Variants in BCKDHB observed in about 807,000 individuals in gnomAD.
BCKDHB encodes branched chain keto acid dehydrogenase E1 subunit beta.
In BCKDHB, 41 loss-of-function variants were observed where a neutral mutation model predicts 48.5. The observed-to-expected ratio is 0.85, with a 90% CI of 0.66 to 1.10. The LOEUF is 1.10. Ranked by LOEUF, BCKDHB falls within the 50% of genes least tolerant of loss-of-function variation. The probability of loss-of-function intolerance (pLI) is 0.00; values close to 1 mark genes in which losing one functional copy is unlikely to be tolerated. For missense variants in BCKDHB, 496 were observed against 494.2 expected, an observed-to-expected ratio of 1.00 and a Z score of -0.03; for synonymous variants, 201 against 174.8, an observed-to-expected ratio of 1.15 and a Z score of -1.18.
chr6:80,342,081 G>C (rs1317751576), intron 9 of BCKDHB, among the ~76,000 whole-genome samples: 1 of 152,124 alleles, frequency 6.6e-6, no homozygotes, highest in African/African-American at 2.4e-5. Context: ...AGGGAGGTCT[G>C]TAAATGTCCA....
chr6:80,392,862 CTTTTTTTTT>C, the BCKDHB span, among the ~76,000 whole-genome samples: 10 of 102,080 alleles, frequency 9.8e-5, no homozygotes, highest in Non-Finnish European at 1.7e-4. Flanking sequence ...ACCTTTTTAA[CTTTTTTTTT>C]TTTTTTTTTT....
At chr6:80,240,094 T>G (rs1262834047) in intron 8 of BCKDHB, among the ~76,000 whole-genome samples, 2 of 152,178 alleles carry the variant, frequency 1.3e-5, no homozygotes, top group Admixed American at 1.3e-4. Flanking sequence ...GGGCTCTTTT[T>G]TGGTTCCATA....
intron 3 of BCKDHB, among the ~76,000 whole-genome samples, chr6:80,136,049 T>G (rs1770868574): frequency 6.6e-6 from 1 of 152,242 alleles, no homozygotes; most frequent in East Asian, 1.9e-4. Context: ...ATACTACATT[T>G]TGTTTATCCA....
At chr6:80,110,476 A>G (rs905995506) in intron 1 of BCKDHB, among the ~76,000 whole-genome samples, 1 of 152,214 alleles carries the variant, frequency 6.6e-6, no homozygotes, top group African/African-American at 2.4e-5. Context: ...AATTAATTGC[A>G]GACCCCTCAG....
chr6:80,146,731 G>A (rs922529482), intron 3 of BCKDHB, among the ~76,000 whole-genome samples: 2 of 152,156 alleles, frequency 1.3e-5, no homozygotes, highest in African/African-American at 4.8e-5. Flanking sequence ...GATGAATGGA[G>A]TGGGGCTTTA....
At chr6:80,238,843 A>T (rs550007811) in intron 8 of BCKDHB, among the ~76,000 whole-genome samples, 77 of 152,206 alleles carry the variant, frequency 5.1e-4, no homozygotes, top group Admixed American at 2.0e-3. Flanking sequence ...GAGTGAGAAC[A>T]TGTGGTGTTT....
the BCKDHB span, among the ~76,000 whole-genome samples, chr6:80,433,295 G>T: frequency 2.0e-5 from 3 of 152,188 alleles, no homozygotes; most frequent in Non-Finnish European, 4.4e-5. Flanking sequence ...CTGTCCCAGG[G>T]AGATGGGGGT....
intron 9 of BCKDHB, among the ~76,000 whole-genome samples, chr6:80,327,626 T>C (rs1466600075): frequency 1.3e-5 from 2 of 152,174 alleles, no homozygotes; most frequent in Admixed American, 6.5e-5. Context: ...ACAAAATAAA[T>C]AGTGTTTTCT....
chr6:80,349,275 A>G (rs1770327381), downstream of BCKDHB, among the ~76,000 whole-genome samples: 1 of 152,220 alleles, frequency 6.6e-6, no homozygotes, highest in Non-Finnish European at 1.5e-5. Flanking sequence ...TAAAAGCAGC[A>G]TATGTGTCTT....
intron 1 of BCKDHB, among the ~76,000 whole-genome samples, chr6:80,108,647 G>A (rs1769256831): frequency 6.6e-6 from 1 of 151,614 alleles, no homozygotes; most frequent in South Asian, 2.1e-4. Flanking sequence ...GGATCACCAG[G>A]TCAAGAGATC....
chr6:80,158,350 A>T (rs561405436), intron 3 of BCKDHB, among the ~76,000 whole-genome samples: 13 of 152,244 alleles, frequency 8.5e-5, no homozygotes, highest in Middle Eastern at 3.4e-3. Flanking sequence ...CTTGCCTTGG[A>T]GTGTTCAGAA....
the BCKDHB span, among the ~76,000 whole-genome samples, chr6:80,428,717 GT>G: frequency 6.6e-6 from 1 of 152,016 alleles, no homozygotes; most frequent in Non-Finnish European, 1.5e-5. Flanking sequence ...TGATGGGGTT[GT>G]TTGTTTTTTT....
intron 3 of BCKDHB, among the ~76,000 whole-genome samples, chr6:80,165,273 A>G (rs1330932366): frequency 1.3e-5 from 2 of 152,180 alleles, no homozygotes; most frequent in African/African-American, 2.4e-5. Flanking sequence ...TAGATTTTCA[A>G]AGATTATCAA....
chr6:80,370,784 T>G, the BCKDHB span, among the ~76,000 whole-genome samples: 1 of 130,080 alleles, frequency 7.7e-6, no homozygotes, highest in Non-Finnish European at 1.6e-5. Context: ...AGCGTGTGTG[T>G]GTATATATAG....
chr6:80,354,321 G>A, the BCKDHB span, among the ~76,000 whole-genome samples: 1 of 152,154 alleles, frequency 6.6e-6, no homozygotes, highest in East Asian at 1.9e-4. Context: ...TCTGCCTCAC[G>A]GGTTCAAACA....
At chr6:80,253,618 A>G (rs1239427291) in intron 8 of BCKDHB, among the ~76,000 whole-genome samples, 2 of 152,182 alleles carry the variant, frequency 1.3e-5, no homozygotes, top group East Asian at 3.9e-4. Flanking sequence ...CATGGATGAT[A>G]GGGAAAAAAG....
chr6:80,166,895 T>C (rs1263191071), intron 3 of BCKDHB, among the ~76,000 whole-genome samples: 1 of 152,172 alleles, frequency 6.6e-6, no homozygotes, highest in African/African-American at 2.4e-5. Context: ...CCATGTTTGT[T>C]GAACATGTTT....
chr6:80,422,561 A>G, the BCKDHB span, among the ~76,000 whole-genome samples: 1 of 152,208 alleles, frequency 6.6e-6, no homozygotes, highest in African/African-American at 2.4e-5. Context: ...ATGTCAGCCC[A>G]TGAAAGCATC....
chr6:80,295,460 G>A (rs1481378042), intron 9 of BCKDHB, among the ~76,000 whole-genome samples: 1 of 151,868 alleles, frequency 6.6e-6, no homozygotes, highest in East Asian at 1.9e-4. Context: ...AGAACAGCAT[G>A]GAAAAGACAT....
Sources: allele counts gnomAD v4.1 joint callset (sites outside exome capture counted in the v4.1 genomes callset), GRCh38; gene constraint gnomAD v4.1.1; transcripts MANE v1.5; gene names NCBI Gene and HGNC (gene_info 2026-07-23, HGNC 2026-07-21).